CWF19L2: variants seen among roughly 807,000 people sequenced by gnomAD.
CWF19L2 encodes the protein CWF19 like cell cycle control factor 2.
A neutral mutation model predicts 111.7 loss-of-function variants in CWF19L2; 98 were observed. The ratio of observed to expected loss-of-function variants is 0.88; its 90% CI spans 0.75 to 1.04. The LOEUF (loss-of-function observed/expected upper bound fraction) is 1.04, where lower values mean the gene tolerates loss of function less well. Ranked by LOEUF, CWF19L2 falls within the 50% of genes least tolerant of loss-of-function variation. The pLI is 0.00. For synonymous variants in CWF19L2, 351 were observed against 342.9 expected, an observed-to-expected ratio of 1.02 and a Z score of -0.26; for missense variants, 1,101 against 1,051.4, an observed-to-expected ratio of 1.05 and a Z score of -0.65.
chr11:107,396,309 C>T (rs2134601004), intron 10 of CWF19L2, among the ~76,000 whole-genome samples: 1 of 152,160 alleles, frequency 6.6e-6, no homozygotes, highest in East Asian at 1.9e-4. Context: ...TTTAAATTAT[C>T]CCCAACAATT....
chr11:107,449,936 A>G (rs956161735), intron 3 of CWF19L2, among the ~76,000 whole-genome samples: 1 of 152,162 alleles, frequency 6.6e-6, no homozygotes, highest in African/African-American at 2.4e-5. Flanking sequence ...TAGCCACATA[A>G]ATTTGGCTGA....
At chr11:107,333,537 A>C (rs970628459) in intron 16 of CWF19L2, among the ~76,000 whole-genome samples, 2 of 152,216 alleles carry the variant, frequency 1.3e-5, no homozygotes, top group African/African-American at 2.4e-5. Context: ...AGCACAAAAG[A>C]TGTACGTACA....
chr11:107,448,942 T>C (rs1423271034), intron 3 of CWF19L2, among the ~76,000 whole-genome samples: 1 of 151,212 alleles, frequency 6.6e-6, no homozygotes, highest in African/African-American at 2.4e-5. Flanking sequence ...ACTAAGACAG[T>C]AGAATAAACA....
Position 107,326,686 on chromosome 11 carries a change from C to A in CWF19L2, c.*224G>T. On this transcript the variant is annotated 3_prime_UTR_variant, in exon 18 of 18. Transcript: ENST00000282251. The stretch of plus-strand genomic sequence containing the variant: ...GAGAGCAGGAATGTGAGCAGATCAT[C>A]GAATATATGTTTTTACTCCATGGTG... 2.5e-6 allele frequency: 1 copy of A among 394,782 alleles called. No homozygotes were observed. The highest frequency in any genetic ancestry group is 4.4e-5 in the Admixed American group (1 of 22,556). The allele number at this position is 394,782 out of a possible 1,614,324, so 24.5% of individuals were successfully genotyped here. A position where few individuals can be genotyped will look rare whatever the true frequency, so the allele number is the denominator to read the frequency against.
chr11:107,353,397 A>C, intron 13 of CWF19L2, 127 bp downstream of exon 13: 1 of 716,236 alleles, frequency 1.4e-6, no homozygotes, highest in East Asian at 2.7e-5. Context: ...GGAGCTTAAA[A>C]ATTATTAGGG....
chr11:107,372,131 A>C (rs1860519574), intron 12 of CWF19L2, among the ~76,000 whole-genome samples: 2 of 135,058 alleles, frequency 1.5e-5, no homozygotes, highest in South Asian at 5.1e-4. Context: ...TGTGTTAGTG[A>C]CTATACTAGA....
At chr11:107,442,403 C>T (rs149402290) in intron 4 of CWF19L2, among the ~76,000 whole-genome samples, 249 of 152,046 alleles carry the variant, frequency 1.6e-3, no homozygotes, top group African/African-American at 5.9e-3. Flanking sequence ...AGTGATAGGC[C>T]AGGTGCAGTG....
intron 13 of CWF19L2, among the ~76,000 whole-genome samples, chr11:107,350,463 AG>A (rs1860141879): frequency 6.6e-6 from 1 of 152,274 alleles, no homozygotes; most frequent in South Asian, 2.1e-4. Context: ...AAGAAGCCCC[AG>A]GGAATGTTCT....
At chr11:107,400,215 G>T (rs1021611171) in intron 10 of CWF19L2, among the ~76,000 whole-genome samples, 4 of 148,834 alleles carry the variant, frequency 2.7e-5, no homozygotes, top group African/African-American at 1.0e-4. Flanking sequence ...AAATAACCAA[G>T]ATCAGAGCAG....
intron 8 of CWF19L2, among the ~76,000 whole-genome samples, chr11:107,418,759 A>G (rs1861263868): frequency 1.3e-5 from 2 of 152,226 alleles, no homozygotes; most frequent in Non-Finnish European, 2.9e-5. Flanking sequence ...GTCAGTCCAG[A>G]ACATAACATA....
At position 107,433,755 on chromosome 11, in the gene CWF19L2, T is replaced by G; in HGVS notation, c.665-6A>C. 1 of 1,439,276 alleles carries G rather than the reference T, an allele frequency of 6.9e-7. No homozygotes were observed. Among genetic ancestry groups the G allele is most frequent in the Non-Finnish European group, 9.6e-7 (1 of 1,043,226 alleles). The allele number at this position is 1,439,276 out of a possible 1,614,324, so 89.2% of individuals were successfully genotyped here. ...ACCATCTTCTACCACTGAAACTAAA[T>G]TCCAGTATTAAATATTAGTTATACT... On this transcript the variant is annotated splice_region_variant and splice_polypyrimidine_tract_variant and intron_variant, in intron 6 of 17. Transcript: ENST00000282251.
intron 10 of CWF19L2, chr11:107,404,534 A>T: frequency 1.5e-6 from 1 of 688,514 alleles, no homozygotes; most frequent in Non-Finnish European, 2.7e-6. Flanking sequence ...AGTGCTGGGC[A>T]TTTGTGTTGC....
intron 14 of CWF19L2, among the ~76,000 whole-genome samples, chr11:107,340,883 C>T (rs946876755): frequency 1.3e-5 from 2 of 152,134 alleles, no homozygotes; most frequent in African/African-American, 4.8e-5. Flanking sequence ...TTTTAGCATA[C>T]AAAATATGGA....
chr11:107,415,874 G>A (rs1235392750), intron 10 of CWF19L2, among the ~76,000 whole-genome samples: 5 of 152,098 alleles, frequency 3.3e-5, no homozygotes, highest in African/African-American at 4.8e-5. Flanking sequence ...GAGGCGGGTG[G>A]ATCATTTGAG....
intron 7 of CWF19L2, among the ~76,000 whole-genome samples, chr11:107,430,025 T>C (rs1861442580): frequency 1.3e-5 from 2 of 152,080 alleles, no homozygotes; most frequent in South Asian, 4.1e-4. Flanking sequence ...GAAAATCTAA[T>C]ATGCATTTAT....
chr11:107,392,996 A>G (rs1860871012), intron 10 of CWF19L2, 101 bp from the exon 11 acceptor site: 1 of 718,752 alleles, frequency 1.4e-6, no homozygotes, highest in Admixed American at 3.5e-5. Flanking sequence ...ACGTTTCCAC[A>G]TAACGTTGTG....
intron 10 of CWF19L2, chr11:107,403,515 C>A (rs1050783221): frequency 6.1e-6 from 5 of 823,810 alleles, no homozygotes; most frequent in Middle Eastern, 2.3e-4. Flanking sequence ...ATACTGTCAA[C>A]CCCCTCCTGC....
At chr11:107,351,765 A>G (rs987223513) in intron 13 of CWF19L2, among the ~76,000 whole-genome samples, 8 of 152,262 alleles carry the variant, frequency 5.3e-5, no homozygotes, top group African/African-American at 1.7e-4. Flanking sequence ...GCCACAGAAT[A>G]TGGTAGAAAT....
intron 3 of CWF19L2, among the ~76,000 whole-genome samples, chr11:107,451,752 T>C (rs1861781292): frequency 6.6e-6 from 1 of 152,110 alleles, no homozygotes; most frequent in African/African-American, 2.4e-5. Flanking sequence ...AGAAAGTATT[T>C]AACACAACTA....
Sources: gnomAD v4.1 joint callset for allele counts (sites outside exome capture counted in the v4.1 genomes callset) on GRCh38, gnomAD v4.1.1 for gene constraint, MANE v1.5 for transcripts, NCBI Gene and HGNC (gene_info 2026-07-23, HGNC 2026-07-21) for gene names.